GPRIN1: variants seen among roughly 807,000 people sequenced by gnomAD.
The protein encoded by GPRIN1 is G protein regulated inducer of neurite outgrowth 1.
GPRIN1 carries 4 observed loss-of-function variants against 2.8 expected under a neutral mutation model. That is an observed-to-expected ratio of 1.45 (90% CI 0.71 to 3.32). The LOEUF (loss-of-function observed/expected upper bound fraction) is 3.32, where lower values mean the gene tolerates loss of function less well. Among genes scored for constraint, GPRIN1 ranks in the 30% most tolerant of loss-of-function variants. The probability of loss-of-function intolerance (pLI) is 0.01; values close to 1 mark genes in which losing one functional copy is unlikely to be tolerated. For synonymous variants in GPRIN1, 589 were observed against 589.9 expected, an observed-to-expected ratio of 1.00 and a Z score of 0.02; for missense variants, 1,322 against 1,343.4, an observed-to-expected ratio of 0.98 and a Z score of 0.25.
Position 176,598,015 on chromosome 5 carries a change from C to G in GPRIN1, c.1820G>C (p.Gly607Ala). 2.5e-6 allele frequency: 4 copies of G among 1,614,022 alleles called. No homozygotes were observed. Among genetic ancestry groups the G allele is most frequent in the Non-Finnish European group, 3.4e-6 (4 of 1,179,994 alleles). ...KAEAIPEGKVGSLPLEKGSPV... is the reference protein window; with the variant it reads ...KAEAIPEGKVASLPLEKGSPV... ...ACTCCCCTTCTCTAGAGGCAGAGAA[C>G]CCACTTTTCCCTCTGGGATAGCTTC... is the stretch of plus-strand genomic sequence containing the variant. The change falls in exon 2 of 2, where the codon GGT (glycine) becomes GCT (alanine). Residue 607 changes from glycine to alanine, a missense_variant. Physicochemically the swap from Gly to Ala is moderately conservative, Grantham distance 60. Around this residue, in one of 3 missense-constraint regions of GPRIN1, gnomAD observed 1,117 missense variants for 1,128.6 expected, o/e 0.99. Transcript: ENST00000303991.
intron 1 of GPRIN1, among the ~76,000 whole-genome samples, chr5:176,601,424 G>A (rs1372989935): frequency 6.6e-6 from 1 of 152,218 alleles, no homozygotes; most frequent in Non-Finnish European, 1.5e-5. Context: ...GGAGATGGTA[G>A]TTAAAGGCAG....
At chr5:176,600,783 G>A (rs1197016696) in intron 1 of GPRIN1, among the ~76,000 whole-genome samples, 1 of 152,104 alleles carries the variant, frequency 6.6e-6, no homozygotes, top group East Asian at 1.9e-4. Context: ...AGGTGTGGTG[G>A]TGCACGCCTG....
chr5:176,603,825 G>T (rs1179962893), intron 1 of GPRIN1, among the ~76,000 whole-genome samples: 2 of 152,304 alleles, frequency 1.3e-5, no homozygotes, highest in African/African-American at 4.8e-5. Context: ...TTCATCTTTG[G>T]CCTTTTGATA....
chr5:176,597,990 A>T lies in GPRIN1; in HGVS notation c.1845T>A (p.Ser615Arg). ...GATCCGCCTTTGTGGTGGTAACAGG[A>T]CTCCCCTTCTCTAGAGGCAGAGAAC... ...KVGSLPLEKG[S>R]PVTTTKADPR... Residue 615 changes from serine (S) to arginine (R), a missense_variant, in exon 2 of 2, where the codon AGT becomes AGA. By Grantham distance (110) the Ser-to-Arg change is moderately radical. Around this residue, in one of 3 missense-constraint regions of GPRIN1, gnomAD observed 1,117 missense variants for 1,128.6 expected, o/e 0.99. Coordinates refer to ENST00000303991, the MANE Select transcript of GPRIN1 (RefSeq NM_052899.3). The surrounding 1 kb of genome is among the most constrained non-coding windows in gnomAD (Gnocchi z 6.1). The T allele has an allele frequency of 6.2e-7, 1 of 1,612,424 alleles. No homozygotes were observed. Among genetic ancestry groups the T allele is most frequent in the Non-Finnish European group, 8.5e-7 (1 of 1,179,684 alleles).
intron 1 of GPRIN1, among the ~76,000 whole-genome samples, chr5:176,609,461 G>A (rs1199278101): frequency 6.6e-6 from 1 of 152,196 alleles, no homozygotes; most frequent in Non-Finnish European, 1.5e-5. Context: ...CCTCACTCGA[G>A]GAAATGAGGC....
chr5:176,605,752 G>A (rs1207547134), intron 1 of GPRIN1, among the ~76,000 whole-genome samples: 1 of 152,166 alleles, frequency 6.6e-6, no homozygotes, highest in African/African-American at 2.4e-5. Flanking sequence ...TTGAGTCCAG[G>A]AGTTTGAGGC....
chr5:176,596,667 A>G lies in GPRIN1; in HGVS notation c.*141T>C. 1.6e-6 allele frequency: 1 copy of G among 628,274 alleles called. No homozygotes were observed. The highest frequency in any genetic ancestry group is 2.2e-6 in the Non-Finnish European group (1 of 451,710). The allele number at this position is 628,274 out of a possible 1,614,324, so 38.9% of individuals were successfully genotyped here. A position where few individuals can be genotyped will look rare whatever the true frequency, so the allele number is the denominator to read the frequency against. On this transcript the variant is annotated 3_prime_UTR_variant, in exon 2 of 2. Transcript: ENST00000303991. This position sits in a 1 kb window ranked among gnomAD's most constrained non-coding sequence, Gnocchi z 5.2. ...CTGTATTTGTGATGGGAGGGGCTGG[A>G]AAGACGGGGACGCAACAGCCCTAGA...
intron 1 of GPRIN1, among the ~76,000 whole-genome samples, chr5:176,609,760 G>C (rs1035105826): frequency 3.0e-4 from 46 of 151,408 alleles, no homozygotes; most frequent in Non-Finnish European, 5.6e-4. Context: ...TCGGCCCAGG[G>C]CTGCGGGACC....
rs1041967034 is a variant in GPRIN1, at chr5:176,597,466, G to C, written c.2369C>G (p.Thr790Ser). Reference protein sequence around the residue: ...EAAAPPPGPRTRDNFTKAPSW... With the variant: ...EAAAPPPGPRSRDNFTKAPSW... ...CGGCGCCTTGGTGAAGTTGTCGCGAGTCCGCGGCCCCGGCGGGGGCGCTGC... is the reference window on the plus strand; with the variant it reads ...CGGCGCCTTGGTGAAGTTGTCGCGACTCCGCGGCCCCGGCGGGGGCGCTGC... Residue 790 changes from threonine (T) to serine (S), a missense_variant, in exon 2 of 2, where the codon ACT (threonine) becomes AGT (serine). By Grantham distance (58) the Thr-to-Ser change is moderately conservative. Transcript: ENST00000303991. The surrounding 1 kb of genome is among the most constrained non-coding windows in gnomAD (Gnocchi z 6.1). 1.8e-5 allele frequency: 24 copies of C among 1,325,948 alleles called. No homozygotes were observed. The highest frequency in any genetic ancestry group is 2.2e-5 in the Non-Finnish European group (23 of 1,041,702). The allele number at this position is 1,325,948 out of a possible 1,614,324, so 82.1% of individuals were successfully genotyped here. A position where few individuals can be genotyped will look rare whatever the true frequency, so the allele number is the denominator to read the frequency against.
chr5:176,604,352 G>T (rs956587323), intron 1 of GPRIN1, among the ~76,000 whole-genome samples: 9 of 152,110 alleles, frequency 5.9e-5, no homozygotes, highest in Admixed American at 5.9e-4. Context: ...GGTGGAGGAG[G>T]GGGGTTTAGC....
rs765812787 is a variant in GPRIN1 at position 176,599,233 on chromosome 5, A to G, written c.602T>C (p.Met201Thr). ...GKGDPVAPGR[M>T]DPMTVRKEDL... ...TTCCTTTCTTACAGTCATGGGATCC[A>G]TCCTTCCAGGAGCCACAGGATCCCC... Residue 201 changes from methionine to threonine, a missense_variant, in exon 2 of 2, where the codon ATG (methionine) becomes ACG (threonine). By Grantham distance (81) the Met-to-Thr change is moderately conservative. This residue lies in a region of GPRIN1 where 1,117 missense variants were observed against 1,128.6 expected (regional missense o/e 0.99). Coordinates refer to ENST00000303991, the MANE Select transcript of GPRIN1 (RefSeq NM_052899.3). 1 of 1,613,630 alleles carries G rather than the reference A, an allele frequency of 6.2e-7. No individual in the cohort carries two copies. Among genetic ancestry groups the G allele is most frequent in the Admixed American group, 1.7e-5 (1 of 60,014 alleles).
chr5:176,599,664 G>A lies in GPRIN1; in HGVS notation c.171C>T (p.Pro57=). 20 of 1,558,390 alleles carry A rather than the reference G, an allele frequency of 1.3e-5. No homozygotes were observed. Among genetic ancestry groups the A allele is most frequent in the Non-Finnish European group, 1.7e-5 (20 of 1,152,198 alleles). ...CTGGGCTTTGGTCAGGGGTGTGCCT[G>A]GGGGGTGCAGGGCTTGCCTTTTGCT... is the stretch of plus-strand genomic sequence containing the variant. ...PSQQKASPAP[P]RHTPDQSPGM... is the part of the protein sequence containing the mutation. The change falls in exon 2 of 2, where the codon CCC becomes CCT. Residue 57 remains proline, a synonymous_variant. Transcript: ENST00000303991.
chr5:176,599,627 T>A lies in GPRIN1; in HGVS notation c.208A>T (p.Arg70Ter). Residue 70 changes from arginine to a stop codon, truncating the protein, a stop_gained, in exon 2 of 2, where the codon AGA (arginine) becomes TGA (stop). Transcript: ENST00000303991. LOFTEE classifies it low-confidence loss of function (END_TRUNC). Reference sequence around the variant, plus strand: ...CCAGCCCCACTGGGGCTTCTGTGTCTAGACTCCATGCCTGGGCTTTGGTCA... The same window carrying A: ...CCAGCCCCACTGGGGCTTCTGTGTCAAGACTCCATGCCTGGGCTTTGGTCA... The part of the protein sequence containing the change: ...TPDQSPGMES[R>*]HRSPSGAGEG... 1 of 1,541,850 alleles carries A rather than the reference T, an allele frequency of 6.5e-7. No individual in the cohort carries two copies. Among genetic ancestry groups the A allele is most frequent in the Non-Finnish European group, 8.7e-7 (1 of 1,147,804 alleles).
At position 176,597,911 on chromosome 5, in the gene GPRIN1, G is replaced by A. The variant is rs182585098; in HGVS notation, c.1924C>T (p.Leu642Phe). The A allele has an allele frequency of 8.1e-6, 13 of 1,613,904 alleles. No individual in the cohort carries two copies. In the East Asian group the frequency reaches 2.5e-4, roughly 30 times the overall value. Residue 642 changes from leucine to phenylalanine, a missense_variant, in exon 2 of 2, where the codon CTC (leucine) becomes TTC (phenylalanine). This residue lies in a region of GPRIN1 where 1,117 missense variants were observed against 1,128.6 expected (regional missense o/e 0.99). Coordinates refer to ENST00000303991, the MANE Select transcript of GPRIN1 (RefSeq NM_052899.3). This position sits in a 1 kb window ranked among gnomAD's most constrained non-coding sequence, Gnocchi z 6.1. ...GCTGCAGCGCCCTCTTGCCCAGGGA[G>A]CTTTGTTTCTGCTTTGCCACCAGAC... is the stretch of plus-strand genomic sequence containing the variant. ...PQSGGKAETK[L>F]PGQEGAAAPG...
rs1759038713 is a variant in GPRIN1 at position 176,596,639 on chromosome 5, C to G, written c.*169G>C. On this transcript the variant is annotated 3_prime_UTR_variant, in exon 2 of 2. Coordinates refer to ENST00000303991, the MANE Select transcript of GPRIN1 (RefSeq NM_052899.3). This position sits in a 1 kb window ranked among gnomAD's most constrained non-coding sequence, Gnocchi z 5.2. ...ACGAGGGAGCTTGGTAGAAGGGGTTCTTCTGTATTTGTGATGGGAGGGGCT... is the reference window on the plus strand; with the variant it reads ...ACGAGGGAGCTTGGTAGAAGGGGTTGTTCTGTATTTGTGATGGGAGGGGCT... 2 of 476,216 alleles carry G rather than the reference C, an allele frequency of 4.2e-6. No homozygotes were observed. Among genetic ancestry groups the G allele is most frequent in the Non-Finnish European group, 6.3e-6 (2 of 319,056 alleles). The allele number at this position is 476,216 out of a possible 1,614,324, so 29.5% of individuals were successfully genotyped here.
rs1759055626 is a variant in GPRIN1, at chr5:176,597,281, G to C, written c.2554C>G (p.Pro852Ala). 1 of 1,235,562 alleles carries C rather than the reference G, an allele frequency of 8.1e-7. No individual in the cohort carries two copies. Among genetic ancestry groups the C allele is most frequent in the Admixed American group, 4.3e-5 (1 of 23,196 alleles). 76.5% of individuals were successfully genotyped at this position (1,235,562 alleles called of 1,614,324 possible). ...FQAAPRAPSP[P>A]SRRDAGLQVS... ...TGCAGGCCCGCATCTCGGCGCGAGG[G>C]CGGGCTGGGCGCGCGCGGCGCCGCC... Residue 852 changes from proline to alanine, a missense_variant, in exon 2 of 2, where the codon CCC becomes GCC. By Grantham distance (27) the Pro-to-Ala change is conservative. Coordinates refer to ENST00000303991, the MANE Select transcript of GPRIN1 (RefSeq NM_052899.3). This position sits in a 1 kb window ranked among gnomAD's most constrained non-coding sequence, Gnocchi z 6.1.
chr5:176,600,796 A>G (rs1759135437), intron 1 of GPRIN1, among the ~76,000 whole-genome samples: 1 of 152,284 alleles, frequency 6.6e-6, no homozygotes, highest in South Asian at 2.1e-4. Flanking sequence ...CACGCCTGTA[A>G]TCCCAGCTAC....
rs748582745 is a variant in GPRIN1, at chr5:176,598,054, G to A, written c.1781C>T (p.Ser594Phe). ...TGGGATAGCTTCTGCTTTTCCCAGGGACACGGGATCCACCTTCCCCGAGGG... is the reference window on the plus strand; with the variant it reads ...TGGGATAGCTTCTGCTTTTCCCAGGAACACGGGATCCACCTTCCCCGAGGG... Reference protein sequence around the residue: ...PVPSGKVDPVSLGKAEAIPEG... With the variant: ...PVPSGKVDPVFLGKAEAIPEG... Residue 594 changes from serine (S) to phenylalanine (F), a missense_variant, in exon 2 of 2, where the codon TCC becomes TTC. Transcript: ENST00000303991. The A allele has an allele frequency of 1.5e-5, 24 of 1,614,034 alleles. No homozygotes were observed. The highest frequency in any genetic ancestry group is 1.6e-4 in the Middle Eastern group (1 of 6,062).
Position 176,598,734 on chromosome 5 carries a change from T to G in GPRIN1, c.1101A>C (p.Thr367=), listed in dbSNP as rs1759094828. 1 of 1,613,676 alleles carries G rather than the reference T, an allele frequency of 6.2e-7. No homozygotes were observed. Among genetic ancestry groups the G allele is most frequent in the South Asian group, 1.1e-5 (1 of 91,092 alleles). The change falls in exon 2 of 2, where the codon ACA becomes ACC. Residue 367 remains threonine (T), a synonymous_variant. Transcript: ENST00000303991. Reference sequence around the variant, plus strand: ...TTCCCAGGAACCGGGAGTCCTCTTTTGTGGCAGGCACAGTTTCTACATTTC... The same window carrying G: ...TTCCCAGGAACCGGGAGTCCTCTTTGGTGGCAGGCACAGTTTCTACATTTC... ...SVGNVETVPA[T]KEDSRFLGKM... is the part of the protein sequence containing the mutation.
Sources: allele counts gnomAD v4.1 joint callset (sites outside exome capture counted in the v4.1 genomes callset), GRCh38; gene constraint gnomAD v4.1.1; regional missense constraint gnomAD v4.1.1; non-coding constraint Gnocchi (gnomAD v3.1); transcripts MANE v1.5; gene names NCBI Gene and HGNC (gene_info 2026-07-23, HGNC 2026-07-21).